The following SGSM1 variants were observed in gnomAD, a reference collection of about 807,000 sequenced individuals.
SGSM1 encodes small G protein signaling modulator 1.
A neutral mutation model predicts 133.8 loss-of-function variants in SGSM1; 73 were observed. The observed-to-expected ratio is 0.55, with a 90% confidence interval of 0.45 to 0.66. The LOEUF (loss-of-function observed/expected upper bound fraction) is 0.66. Among genes scored for constraint, SGSM1 ranks in the 30% least tolerant of loss-of-function variants. The pLI is 0.00. For synonymous variants in SGSM1, 563 were observed against 573.0 expected (o/e 0.98, Z 0.25); for missense variants, 1,213 against 1,448.1 (o/e 0.84, Z 2.64).
chr22:24,878,739 T>C (rs907311281), intron 13 of SGSM1, among the ~76,000 whole-genome samples: 4 of 152,206 alleles, frequency 2.6e-5, no homozygotes, highest in African/African-American at 9.6e-5. Context: ...GGAGAAGCTT[T>C]GAGGCATCAC....
At chr22:24,815,831 G>T (rs1928037939) in intron 2 of SGSM1, among the ~76,000 whole-genome samples, 1 of 152,156 alleles carries the variant, frequency 6.6e-6, no homozygotes, top group Non-Finnish European at 1.5e-5. Context: ...TGGGTAAGGG[G>T]TGTTGCATCT....
At chr22:24,807,320 TC>T (rs139620) in intron 2 of SGSM1, among the ~76,000 whole-genome samples, 17,104 of 152,152 alleles carry the variant, frequency 0.11, 1,017 homozygotes, top group African/African-American at 0.14. Flanking sequence ...TATGAGAATG[TC>T]TGTGCATCTG....
At position 24,924,513 on chromosome 22, in the gene SGSM1, G is replaced by A. The variant is rs377743045; in HGVS notation, c.*239G>A. 7.4e-5 allele frequency: 39 copies of A among 524,392 alleles called. No homozygotes were observed. Among genetic ancestry groups the A allele is most frequent in the Admixed American group, 1.6e-4 (5 of 30,646 alleles). 32.5% of individuals were successfully genotyped at this position (524,392 alleles called of 1,614,324 possible). A position where few individuals can be genotyped will look rare whatever the true frequency, so the allele number is the denominator to read the frequency against. On this transcript the variant is annotated 3_prime_UTR_variant, in exon 25 of 25. Transcript: ENST00000400358. Reference sequence around the variant, plus strand: ...TGACCAAAGATTGCCCAAGTCTGGCGTTCCTCCCTTGCAGGAGGTGGAGGT... The same window carrying A: ...TGACCAAAGATTGCCCAAGTCTGGCATTCCTCCCTTGCAGGAGGTGGAGGT...
intron 2 of SGSM1, among the ~76,000 whole-genome samples, chr22:24,814,896 C>G (rs1927975275): frequency 6.6e-6 from 1 of 152,168 alleles, no homozygotes; most frequent in Non-Finnish European, 1.5e-5. Context: ...ATGGGGAGGG[C>G]AGCTGGGTCT....
intron 10 of SGSM1, 95 bp downstream of exon 10, chr22:24,867,255 A>G (rs1234985848): frequency 1.7e-6 from 2 of 1,206,266 alleles, no homozygotes; most frequent in Non-Finnish European, 2.4e-6. Flanking sequence ...TGAGCGAATG[A>G]TATGGTGGAC....
At chr22:24,851,333 G>A (rs771100398) in intron 5 of SGSM1, among the ~76,000 whole-genome samples, 2 of 148,858 alleles carry the variant, frequency 1.3e-5, no homozygotes, top group African/African-American at 2.5e-5. Context: ...CACAGAGCTT[G>A]TATATCATCG....
At chr22:24,880,918 C>T (rs371290107) in intron 14 of SGSM1, among the ~76,000 whole-genome samples, 10 of 152,158 alleles carry the variant, frequency 6.6e-5, no homozygotes, top group African/African-American at 1.7e-4. Flanking sequence ...TGGGCAGGCG[C>T]GGTGGCTTGC....
intron 2 of SGSM1, among the ~76,000 whole-genome samples, chr22:24,826,616 G>T (rs973542467): frequency 1.3e-5 from 2 of 152,172 alleles, no homozygotes; most frequent in African/African-American, 4.8e-5. Context: ...TGAGCCCAGA[G>T]ATGTATAAAG....
chr22:24,915,253 T>TAAATAAATAAATAAATAAACAAAC (rs375854809), intron 22 of SGSM1, among the ~76,000 whole-genome samples: 25 of 139,560 alleles, frequency 1.8e-4, no homozygotes, highest in African/African-American at 6.1e-4. Context: ...AATAAATAAA[T>TAAATAAATAAATAAATAAACAAAC]AAACAAACAG....
Position 24,884,152 on chromosome 22 carries a change from A to C in SGSM1, c.1595A>C (p.Gln532Pro). The stretch of plus-strand genomic sequence containing the variant: ...CCAGACTTGCCCTGCGATGCTGGAC[A>C]GGGACTGACAGCCAGGATCTGGGAG... ...VSPDLPCDAG[Q>P]GLTARIWEQY... Residue 532 changes from glutamine (Q) to proline (P), a missense_variant, in exon 15 of 25, where the codon CAG becomes CCG. Physicochemically the swap from Gln to Pro is moderately conservative, Grantham distance 76. Coordinates refer to ENST00000400358, the MANE Select transcript of SGSM1 (RefSeq NM_001098497.3). 3.7e-6 allele frequency: 6 copies of C among 1,613,990 alleles called. No homozygotes were observed. The highest frequency in any genetic ancestry group is 5.1e-6 in the Non-Finnish European group (6 of 1,179,878).
Position 24,905,088 on chromosome 22 carries a change from C to T in SGSM1, c.2736-17C>T. 3.7e-6 allele frequency: 6 copies of T among 1,613,088 alleles called. No individual in the cohort carries two copies. Among genetic ancestry groups the T allele is most frequent in the Non-Finnish European group, 4.2e-6 (5 of 1,179,102 alleles). ...CAGGCCACGGCTGCCATCATTGGCC[C>T]CTTGTGTCTCTTCTAGCTACATCTG... is the stretch of plus-strand genomic sequence containing the variant. On this transcript the variant is annotated splice_polypyrimidine_tract_variant and intron_variant, in intron 20 of 24. Coordinates refer to ENST00000400358, the MANE Select transcript of SGSM1 (RefSeq NM_001098497.3).
At chr22:24,879,890 A>G (rs1011758273) in intron 14 of SGSM1, among the ~76,000 whole-genome samples, 3 of 152,172 alleles carry the variant, frequency 2.0e-5, no homozygotes, top group Non-Finnish European at 2.9e-5. Flanking sequence ...TAGGTGCTCA[A>G]TAAATGTCAG....
At chr22:24,878,736 C>T (rs1337969715) in intron 13 of SGSM1, among the ~76,000 whole-genome samples, 2 of 152,212 alleles carry the variant, frequency 1.3e-5, no homozygotes, top group African/African-American at 4.8e-5. Flanking sequence ...CAAGGAGAAG[C>T]TTTGAGGCAT....
intron 5 of SGSM1, among the ~76,000 whole-genome samples, chr22:24,853,933 A>C (rs994334868): frequency 2.7e-5 from 4 of 149,988 alleles, no homozygotes; most frequent in African/African-American, 9.8e-5. Flanking sequence ...CACTTCTTAC[A>C]TGGCGGCGGC....
At chr22:24,810,989 GT>G (rs1296964773) in intron 2 of SGSM1, among the ~76,000 whole-genome samples, 1 of 152,216 alleles carries the variant, frequency 6.6e-6, no homozygotes, top group Admixed American at 6.5e-5. Context: ...CCGTCCCTAG[GT>G]TTGGTTGCCA....
Position 24,917,690 on chromosome 22 carries a change from T to C in SGSM1, c.2961T>C (p.His987=). ...ACTCAGAGCTGTTTGAGCTGATGCA[T>C]CAGAACGGGGACTATACTCACTTCT... is the stretch of plus-strand genomic sequence containing the variant. ...ILDSELFELM[H]QNGDYTHFYF... is the part of the protein sequence containing the mutation. Residue 987 remains histidine, a synonymous_variant, in exon 23 of 25, where the codon CAT becomes CAC. Coordinates refer to ENST00000400358, the MANE Select transcript of SGSM1 (RefSeq NM_001098497.3). 6.2e-7 allele frequency: 1 copy of C among 1,613,942 alleles called. No homozygotes were observed. The highest frequency in any genetic ancestry group is 8.5e-7 in the Non-Finnish European group (1 of 1,179,936).
chr22:24,855,345 C>T lies in SGSM1; in HGVS notation c.584C>T (p.Pro195Leu). 1 of 1,613,374 alleles carries T rather than the reference C, an allele frequency of 6.2e-7. No individual in the cohort carries two copies. The highest frequency in any genetic ancestry group is 8.5e-7 in the Non-Finnish European group (1 of 1,179,652). The change falls in exon 7 of 25, where the codon CCC becomes CTC. Residue 195 changes from proline to leucine, a missense_variant. Physicochemically the swap from Pro to Leu is moderately conservative, Grantham distance 98 (BLOSUM62 -3). Transcript: ENST00000400358. ...MKTADHFWTD[P>L]SADELVQRHR... is the part of the protein sequence containing the mutation. ...ACTGCAGATCACTTCTGGACCGATC[C>T]CTCGGCTGACGAACTTGTCCAGAGG...
intron 14 of SGSM1, among the ~76,000 whole-genome samples, chr22:24,882,153 A>G (rs1047604323): frequency 6.6e-6 from 1 of 151,628 alleles, no homozygotes; most frequent in Admixed American, 6.6e-5. Context: ...TGCACCCTCT[A>G]CCTCCCTGGC....
chr22:24,927,281 A>C lies in SGSM1; in HGVS notation c.*3007A>C, dbSNP rs1010781082. On this transcript the variant is annotated 3_prime_UTR_variant, in exon 25 of 25. Coordinates refer to ENST00000400358, the MANE Select transcript of SGSM1 (RefSeq NM_001098497.3). Reference sequence around the variant, plus strand: ...CTTGCATCCTCCAGCAGGCTAGCTTAGGCTTGTTTACATGGCTATGATAGC... The same window carrying C: ...CTTGCATCCTCCAGCAGGCTAGCTTCGGCTTGTTTACATGGCTATGATAGC... The C allele has an allele frequency of 2.6e-5, 4 of 152,220 alleles. No individual in the cohort carries two copies. The highest frequency in any genetic ancestry group is 9.7e-5 in the African/African-American group (4 of 41,448). The allele number at this position is 152,220 out of a possible 1,614,324, so 9.4% of individuals were successfully genotyped here.
Sources: gnomAD v4.1 joint callset for allele counts (sites outside exome capture counted in the v4.1 genomes callset) on GRCh38, gnomAD v4.1.1 for gene constraint, MANE v1.5 for transcripts, NCBI Gene and HGNC (gene_info 2026-07-23, HGNC 2026-07-21) for gene names.